BRINP2: variants seen among roughly 807,000 people sequenced by gnomAD.
BRINP2 encodes the protein BMP/retinoic acid inducible neural specific 2.
A neutral mutation model predicts 69.2 loss-of-function variants in BRINP2; 21 were observed. That is an observed-to-expected ratio of 0.30 (90% CI 0.22 to 0.44). The LOEUF is 0.44. Among genes scored for constraint, BRINP2 ranks in the 20% least tolerant of loss-of-function variants. The pLI, the probability that BRINP2 is intolerant of heterozygous loss-of-function variation, is 1.00. For missense variants in BRINP2, 877 were observed against 986.0 expected (o/e 0.89, Z 1.48); for synonymous variants, 380 against 394.1 (o/e 0.96, Z 0.42).
intron 1 of BRINP2, among the ~76,000 whole-genome samples, chr1:177,193,366 T>C (rs1204403124): frequency 6.6e-6 from 1 of 152,196 alleles, no homozygotes; most frequent in African/African-American, 2.4e-5. Context: ...GGGGAGGGAT[T>C]AGAGAGACAA....
intron 2 of BRINP2, among the ~76,000 whole-genome samples, chr1:177,237,093 A>C (rs992077284): frequency 1.3e-5 from 2 of 152,192 alleles, no homozygotes; most frequent in Non-Finnish European, 2.9e-5. Context: ...GAGATGGTAC[A>C]TAGTACTTTA....
At chr1:177,210,294 C>T (rs1429301811) in intron 1 of BRINP2, among the ~76,000 whole-genome samples, 1 of 152,166 alleles carries the variant, frequency 6.6e-6, no homozygotes, top group Non-Finnish European at 1.5e-5. Flanking sequence ...GCAGAGACAG[C>T]CATGGTTCAA....
intron 1 of BRINP2, among the ~76,000 whole-genome samples, chr1:177,196,094 A>C (rs2102299930): frequency 6.6e-6 from 1 of 152,360 alleles, no homozygotes; most frequent in Non-Finnish European, 1.5e-5. Flanking sequence ...AACTGCTCAA[A>C]GCTGGCAATT....
chr1:177,268,905 A>G (rs1295096653), intron 4 of BRINP2, among the ~76,000 whole-genome samples: 1 of 152,232 alleles, frequency 6.6e-6, no homozygotes, highest in African/African-American at 2.4e-5. Context: ...GTCTATTTCT[A>G]TGACCTTGAG....
Position 177,199,267 on chromosome 1 carries a change from G to A in BRINP2, c.-77+27535G>A, listed in dbSNP as rs190641517. Among the ~76,000 whole-genome samples the A allele has an allele frequency of 3.2e-4, 49 of 152,300 alleles. 2 individuals are homozygous for A. Among genetic ancestry groups the A allele is most frequent in the Admixed American group, 1.5e-3 (23 of 15,292 alleles). Reference sequence around the variant, plus strand: ...GAAAATCAATGACCTATTTTCAGTAGGGTGGTGGTTTTGGTTTCCAACTTT... The same window carrying A: ...GAAAATCAATGACCTATTTTCAGTAAGGTGGTGGTTTTGGTTTCCAACTTT... On this transcript the variant is annotated intron_variant, in intron 1 of 7. Transcript: ENST00000361539.
Position 177,200,883 on chromosome 1 carries a change from A to G in BRINP2, c.-76-28918A>G, listed in dbSNP as rs1038077148. Reference sequence around the variant, plus strand: ...TTTGAAATAAATATGAGATAAAAATAATATTTATAGTGCTTCATTATTTAT... The same window carrying G: ...TTTGAAATAAATATGAGATAAAAATGATATTTATAGTGCTTCATTATTTAT... On this transcript the variant is annotated intron_variant, in intron 1 of 7. Coordinates refer to ENST00000361539, the MANE Select transcript of BRINP2 (RefSeq NM_021165.4). 1.4e-4 allele frequency among the ~76,000 whole-genome samples: 22 copies of G among 152,230 alleles called. 1 individual carries two copies. Among genetic ancestry groups the G allele is most frequent in the African/African-American group, 4.1e-4 (17 of 41,462 alleles).
chr1:177,223,215 C>T (rs764289179), intron 1 of BRINP2, among the ~76,000 whole-genome samples: 10 of 152,140 alleles, frequency 6.6e-5, no homozygotes, highest in Non-Finnish European at 1.3e-4. Flanking sequence ...CAGCAACTGA[C>T]AGATGAATCT....
intron 2 of BRINP2, among the ~76,000 whole-genome samples, chr1:177,237,934 T>C (rs965099350): frequency 6.6e-6 from 1 of 152,150 alleles, no homozygotes; most frequent in African/African-American, 2.4e-5. Flanking sequence ...CTCAATATTT[T>C]TTTCTTTATT....
chr1:177,250,172 A>G (rs558598550), intron 2 of BRINP2, among the ~76,000 whole-genome samples: 2 of 152,324 alleles, frequency 1.3e-5, no homozygotes, highest in African/African-American at 4.8e-5. Context: ...CAGCCTTCTG[A>G]GTAACTGGGA....
chr1:177,192,332 C>T (rs999439860), intron 1 of BRINP2, among the ~76,000 whole-genome samples: 1 of 152,116 alleles, frequency 6.6e-6, no homozygotes. Context: ...CACTGCATAT[C>T]TCATCATGTC....
chr1:177,279,037 C>T (rs775760197), intron 7 of BRINP2, among the ~76,000 whole-genome samples: 3 of 152,196 alleles, frequency 2.0e-5, no homozygotes, highest in Non-Finnish European at 4.4e-5. Flanking sequence ...TCTAGTAATA[C>T]TCTAATTCTC....
At chr1:177,277,967 C>A (rs1012763960) in intron 6 of BRINP2, among the ~76,000 whole-genome samples, 3 of 152,094 alleles carry the variant, frequency 2.0e-5, no homozygotes, top group Non-Finnish European at 4.4e-5. Context: ...TGCTGTAGGG[C>A]AGAATGGATA....
chr1:177,229,008 T>G (rs570437812), intron 1 of BRINP2, among the ~76,000 whole-genome samples: 1 of 152,310 alleles, frequency 6.6e-6, no homozygotes, highest in African/African-American at 2.4e-5. Flanking sequence ...GATACAGCAG[T>G]TATTGCTCAG....
chr1:177,271,025 C>T (rs1241328765), intron 4 of BRINP2, among the ~76,000 whole-genome samples: 2 of 152,208 alleles, frequency 1.3e-5, no homozygotes, highest in African/African-American at 4.8e-5. Context: ...GAGGCAGGCT[C>T]ATGTGTAACA....
intron 4 of BRINP2, among the ~76,000 whole-genome samples, chr1:177,269,776 T>G (rs1439875590): frequency 6.6e-6 from 1 of 151,894 alleles, no homozygotes; most frequent in Admixed American, 6.6e-5. Flanking sequence ...GGAATGAGGG[T>G]TTGCATGATC....
intron 1 of BRINP2, among the ~76,000 whole-genome samples, chr1:177,202,910 T>A (rs1648962780): frequency 6.6e-6 from 1 of 152,174 alleles, no homozygotes; most frequent in Non-Finnish European, 1.5e-5. Context: ...ATTGTGGAAG[T>A]CGGTGTGGCA....
intron 1 of BRINP2, among the ~76,000 whole-genome samples, chr1:177,200,341 TCAACATAGCAGCCAGAG>T (rs1382559442): frequency 7.7e-6 from 1 of 130,306 alleles, no homozygotes; most frequent in South Asian, 2.7e-4. Context: ...TAATGCATTA[TCAACATAGCAGCCAGAG>T]CAACATAGCA....
At chr1:177,277,261 C>T (rs1308806064) in intron 6 of BRINP2, among the ~76,000 whole-genome samples, 1 of 151,534 alleles carries the variant, frequency 6.6e-6, no homozygotes, top group Non-Finnish European at 1.5e-5. Context: ...ATACCCAATA[C>T]ATGGTATTTT....
intron 1 of BRINP2, among the ~76,000 whole-genome samples, chr1:177,206,905 G>A (rs1279950396): frequency 1.3e-5 from 2 of 152,144 alleles, no homozygotes; most frequent in Non-Finnish European, 2.9e-5. Context: ...GAGATTAGGG[G>A]CAAGAGTGAA....
Sources: gnomAD v4.1 joint callset for allele counts (sites outside exome capture counted in the v4.1 genomes callset) on GRCh38, gnomAD v4.1.1 for gene constraint, MANE v1.5 for transcripts, NCBI Gene and HGNC (gene_info 2026-07-23, HGNC 2026-07-21) for gene names.